The following PRKG1 variants were observed in gnomAD, a reference collection of about 807,000 sequenced individuals.
The protein encoded by PRKG1 is protein kinase cGMP-dependent 1, also known as cGMP-dependent protein kinase 1.
Under a neutral mutation model 88.1 loss-of-function variants are expected in PRKG1, and 35 were observed. The observed-to-expected ratio is 0.40, with a 90% CI of 0.30 to 0.53. The LOEUF is 0.53. Among genes scored for constraint, PRKG1 ranks in the 20% least tolerant of loss-of-function variants. PRKG1 has a pLI of 0.59. For synonymous variants in PRKG1, 303 were observed against 292.5 expected, an observed-to-expected ratio of 1.04 and a Z score of -0.37; for missense variants, 540 against 839.8, an observed-to-expected ratio of 0.64 and a Z score of 4.41.
intron 3 of PRKG1, among the ~76,000 whole-genome samples, chr10:51,724,766 C>T (rs1265018260): frequency 6.6e-6 from 1 of 152,038 alleles, no homozygotes; most frequent in African/African-American, 2.4e-5. Flanking sequence ...ACTATCACAA[C>T]TCACCGCAGC....
At chr10:52,178,556 T>G (rs2132723215) in intron 9 of PRKG1, among the ~76,000 whole-genome samples, 1 of 152,208 alleles carries the variant, frequency 6.6e-6, no homozygotes, top group Admixed American at 6.5e-5. Flanking sequence ...TTGTTGATTT[T>G]TTTTTTGTCT....
At chr10:52,277,309 CACTTAAATA>C (rs1841896713) in intron 12 of PRKG1, among the ~76,000 whole-genome samples, 1 of 152,102 alleles carries the variant, frequency 6.6e-6, no homozygotes, top group African/African-American at 2.4e-5. Flanking sequence ...CAGTCAGAAG[CACTTAAATA>C]ACAGAGAGGA....
At chr10:51,315,021 A>G (rs1447596952) in intron 2 of PRKG1, among the ~76,000 whole-genome samples, 1 of 152,204 alleles carries the variant, frequency 6.6e-6, no homozygotes, top group Non-Finnish European at 1.5e-5. Context: ...TGATTTTCAA[A>G]CTACATTACA....
At chr10:51,327,237 A>G (rs760178919) in intron 2 of PRKG1, among the ~76,000 whole-genome samples, 51 of 152,124 alleles carry the variant, frequency 3.4e-4, no homozygotes, top group Non-Finnish European at 7.1e-4. Context: ...CAACATGAAG[A>G]AACCCTGTCT....
At chr10:52,098,485 G>A (rs1589604426) in intron 7 of PRKG1, among the ~76,000 whole-genome samples, 1 of 152,202 alleles carries the variant, frequency 6.6e-6, no homozygotes, top group East Asian at 1.9e-4. Flanking sequence ...TAAAATGTAG[G>A]GAAACAATAC....
At chr10:52,035,254 G>A (rs532093326) in intron 5 of PRKG1, among the ~76,000 whole-genome samples, 32 of 152,244 alleles carry the variant, frequency 2.1e-4, no homozygotes, top group African/African-American at 7.0e-4. Flanking sequence ...ATCTGACTCA[G>A]GGCATGTTGA....
chr10:52,026,702 C>T (rs764679240), intron 5 of PRKG1, among the ~76,000 whole-genome samples: 2 of 152,210 alleles, frequency 1.3e-5, no homozygotes, highest in Non-Finnish European at 2.9e-5. Context: ...TTCGGCCAGG[C>T]ACGGTGGCTC....
chr10:51,290,682 G>A (rs935764552), intron 2 of PRKG1, among the ~76,000 whole-genome samples: 5 of 152,084 alleles, frequency 3.3e-5, no homozygotes, highest in African/African-American at 1.2e-4. Flanking sequence ...GTCTCCTTAG[G>A]CCACCCCACC....
At chr10:51,218,531 A>AT (rs1554847948) in intron 2 of PRKG1, among the ~76,000 whole-genome samples, 7,455 of 52,978 alleles carry the variant, frequency 0.14, 735 homozygotes, top group African/African-American at 0.23. Context: ...ATATATATAT[A>AT]AAATGTGTGT....
chr10:51,438,209 A>G (rs1207626845), intron 2 of PRKG1, among the ~76,000 whole-genome samples: 4 of 151,714 alleles, frequency 2.6e-5, no homozygotes, highest in Non-Finnish European at 5.9e-5. Flanking sequence ...CAAAAAAAAA[A>G]TGTGAAGAAT....
chr10:52,184,262 C>T (rs932800292), intron 9 of PRKG1, among the ~76,000 whole-genome samples: 1 of 152,092 alleles, frequency 6.6e-6, no homozygotes, highest in African/African-American at 2.4e-5. Flanking sequence ...AATATTTGAA[C>T]ATTTTTAGCC....
intron 2 of PRKG1, among the ~76,000 whole-genome samples, chr10:51,234,439 G>T (rs932862975): frequency 9.9e-5 from 15 of 151,974 alleles, no homozygotes; most frequent in African/African-American, 3.6e-4. Context: ...ATTTTTTTTA[G>T]AACAAATATT....
intron 4 of PRKG1, among the ~76,000 whole-genome samples, chr10:51,830,714 G>T (rs147213722): frequency 1.3e-5 from 2 of 151,142 alleles, no homozygotes; most frequent in Non-Finnish European, 3.0e-5. Context: ...GGTGTGTGCC[G>T]CCACACCAGG....
intron 4 of PRKG1, among the ~76,000 whole-genome samples, chr10:51,855,313 A>G (rs2132815847): frequency 6.6e-6 from 1 of 152,188 alleles, no homozygotes; most frequent in Admixed American, 6.5e-5. Flanking sequence ...AGACAATCTG[A>G]TTTTCTATTC....
chr10:51,116,008 G>A (rs1412874234), intron 1 of PRKG1, among the ~76,000 whole-genome samples: 2 of 152,138 alleles, frequency 1.3e-5, no homozygotes, highest in Non-Finnish European at 2.9e-5. Context: ...GAAGGAGAGA[G>A]CTTCACTGTA....
chr10:51,229,934 A>AAAAAAAAAAAAAGAAAAAAAAAAAAG (rs1838793334), intron 2 of PRKG1, among the ~76,000 whole-genome samples: 13 of 141,178 alleles, frequency 9.2e-5, no homozygotes, highest in African/African-American at 3.4e-4. Flanking sequence ...CTCAAAAAAA[A>AAAAAAAAAAAAAGAAAAAAAAAAAAG]AAAAAAAAAA....
chr10:51,774,153 A>T (rs907220848), intron 3 of PRKG1, among the ~76,000 whole-genome samples: 1 of 151,992 alleles, frequency 6.6e-6, no homozygotes, highest in Non-Finnish European at 1.5e-5. Flanking sequence ...CCCATTTACT[A>T]CCTAGAGAGC....
chr10:52,289,675 C>G (rs1230223599), intron 16 of PRKG1, among the ~76,000 whole-genome samples: 1 of 129,330 alleles, frequency 7.7e-6, no homozygotes, highest in African/African-American at 2.8e-5. Context: ...AAACTTTAGT[C>G]TTTTTTGGTT....
chr10:51,855,068 T>C (rs568483231), intron 4 of PRKG1, among the ~76,000 whole-genome samples: 95 of 152,328 alleles, frequency 6.2e-4, no homozygotes, highest in Admixed American at 1.1e-3. Flanking sequence ...TGCAATTCGG[T>C]GATTTGAATT....
Sources: allele counts gnomAD v4.1 joint callset (sites outside exome capture counted in the v4.1 genomes callset), GRCh38; gene constraint gnomAD v4.1.1; transcripts MANE v1.5; gene names NCBI Gene and HGNC (gene_info 2026-07-23, HGNC 2026-07-21).